LYPD6B: variants seen among roughly 807,000 people sequenced by gnomAD.
LYPD6B encodes the protein ly6/PLAUR domain-containing protein 6B.
A neutral mutation model predicts 22.8 loss-of-function variants in LYPD6B; 17 were observed. That is an observed-to-expected ratio of 0.75 (90% CI 0.51 to 1.12). The LOEUF is 1.12. Among genes scored for constraint, LYPD6B ranks in the 50% most tolerant of loss-of-function variants. The pLI is 0.00. For synonymous variants in LYPD6B, 106 were observed against 91.6 expected (o/e 1.16, Z -0.90); for missense variants, 221 against 258.3 (o/e 0.86, Z 0.99).
At chr2:149,039,872 C>G (rs542551334) in intron 1 of LYPD6B, among the ~76,000 whole-genome samples, 64 of 152,298 alleles carry the variant, frequency 4.2e-4, no homozygotes, top group African/African-American at 1.5e-3. Context: ...CATTACCCAT[C>G]GTATTTGTCA....
At chr2:149,070,933 C>T (rs970061170) in intron 1 of LYPD6B, among the ~76,000 whole-genome samples, 4 of 152,120 alleles carry the variant, frequency 2.6e-5, no homozygotes, top group Admixed American at 6.5e-5. Flanking sequence ...GCATATTCGC[C>T]GTGGGATAGG....
At chr2:149,170,725 TG>T (rs1228279480) in intron 3 of LYPD6B, among the ~76,000 whole-genome samples, 3 of 152,226 alleles carry the variant, frequency 2.0e-5, no homozygotes, top group African/African-American at 7.2e-5. Context: ...GAATGCTGAA[TG>T]TAAGTTTGTG....
At chr2:149,039,847 T>G (rs1195689272) in intron 1 of LYPD6B, among the ~76,000 whole-genome samples, 1 of 152,220 alleles carries the variant, frequency 6.6e-6, no homozygotes, top group Non-Finnish European at 1.5e-5. Context: ...GGGGGTGTTG[T>G]CAGACTGCCC....
intron 3 of LYPD6B, chr2:149,187,421 T>C: frequency 6.6e-7 from 1 of 1,526,694 alleles, no homozygotes; most frequent in South Asian, 1.2e-5. Context: ...ATTATTATTT[T>C]CTAGATGTGA....
chr2:149,098,627 CA>C (rs1285429577), intron 1 of LYPD6B, among the ~76,000 whole-genome samples: 219 of 83,464 alleles, frequency 2.6e-3, no homozygotes, highest in South Asian at 0.012. Context: ...AACTCTGTCT[CA>C]AAAAAAAAAA....
chr2:149,213,360 A>C (rs1474849330), intron 6 of LYPD6B, among the ~76,000 whole-genome samples: 4 of 152,206 alleles, frequency 2.6e-5, no homozygotes, highest in African/African-American at 7.2e-5. Context: ...GACTCCATAC[A>C]AAGATAAAAT....
chr2:149,109,615 G>A lies in LYPD6B; in HGVS notation c.-66-21268G>A, dbSNP rs541127246. Among the ~76,000 whole-genome samples, 22 of 152,050 alleles carry A rather than the reference G, an allele frequency of 1.4e-4. 1 individual carries two copies. Among genetic ancestry groups the A allele is most frequent in the African/African-American group, 4.8e-4 (20 of 41,484 alleles). On this transcript the variant is annotated intron_variant, in intron 1 of 6. Transcript: ENST00000409642. ...TCTTCAAATATTTTTTCTGTTCCCC[G>A]TTCTCAGTTCTTAAGATAATTCCAA...
At chr2:149,086,254 G>C (rs1158916589) in intron 1 of LYPD6B, among the ~76,000 whole-genome samples, 4 of 152,120 alleles carry the variant, frequency 2.6e-5, no homozygotes, top group Admixed American at 2.6e-4. Flanking sequence ...ATCAAAGGAG[G>C]CTACATCTAG....
intron 4 of LYPD6B, 111 bp downstream of exon 4, chr2:149,205,515 TC>T: frequency 5.9e-6 from 7 of 1,191,356 alleles, no homozygotes; most frequent in Non-Finnish European, 8.2e-6. Flanking sequence ...ATTTGTTTTA[TC>T]CCTAGAATAA....
intron 1 of LYPD6B, among the ~76,000 whole-genome samples, chr2:149,053,542 T>C (rs1359990006): frequency 2.0e-5 from 3 of 152,230 alleles, no homozygotes; most frequent in African/African-American, 7.2e-5. Flanking sequence ...TTTTCATCAA[T>C]AGTATATGAA....
rs577706619 is a variant in LYPD6B at position 149,066,302 on chromosome 2, A to G, written c.-67+27501A>G. 2.0e-5 allele frequency among the ~76,000 whole-genome samples: 3 copies of G among 151,940 alleles called. No individual in the cohort carries two copies. The South Asian group carries it at 6.2e-4, about 32-fold the overall frequency. On this transcript the variant is annotated intron_variant, in intron 1 of 6. Transcript: ENST00000409642. ...TTAACTTGTCATTTACATTAGATAT[A>G]TCTCCTAATGCTATCCCTCCCCCGT...
At chr2:149,067,401 A>G (rs1471134970) in intron 1 of LYPD6B, among the ~76,000 whole-genome samples, 4 of 152,154 alleles carry the variant, frequency 2.6e-5, no homozygotes, top group African/African-American at 9.6e-5. Context: ...TCCATTATAA[A>G]TTAATTTTCC....
intron 1 of LYPD6B, among the ~76,000 whole-genome samples, chr2:149,112,186 T>G (rs1559004159): frequency 6.6e-6 from 1 of 152,220 alleles, no homozygotes; most frequent in Non-Finnish European, 1.5e-5. Flanking sequence ...GATGCATGTC[T>G]GACAGACTTA....
intron 1 of LYPD6B, among the ~76,000 whole-genome samples, chr2:149,082,511 C>G (rs1335629917): frequency 1.3e-5 from 2 of 152,268 alleles, no homozygotes; most frequent in Admixed American, 6.5e-5. Context: ...AGTACCAATT[C>G]CTGCTTTTTC....
intron 2 of LYPD6B, among the ~76,000 whole-genome samples, chr2:149,133,299 T>C (rs1575032962): frequency 1.3e-5 from 2 of 152,198 alleles, no homozygotes; most frequent in Non-Finnish European, 2.9e-5. Context: ...TTTAATGAGA[T>C]ACTAAGACCC....
chr2:149,107,045 A>G (rs1049120795), intron 1 of LYPD6B, among the ~76,000 whole-genome samples: 1 of 152,196 alleles, frequency 6.6e-6, no homozygotes, highest in Non-Finnish European at 1.5e-5. Context: ...TTTAAGTTAT[A>G]ATTAGGCACA....
At chr2:149,057,082 T>C (rs1683837112) in intron 1 of LYPD6B, among the ~76,000 whole-genome samples, 1 of 152,210 alleles carries the variant, frequency 6.6e-6, no homozygotes, top group African/African-American at 2.4e-5. Context: ...AGCAATTACA[T>C]AGGTCATACC....
At chr2:149,213,462 GAGGA>G (rs1359986015) in intron 6 of LYPD6B, among the ~76,000 whole-genome samples, 2 of 152,344 alleles carry the variant, frequency 1.3e-5, no homozygotes, top group East Asian at 3.9e-4. Context: ...CTGCTTAGAT[GAGGA>G]AGGGAGTCTG....
intron 5 of LYPD6B, 122 bp downstream of exon 5, chr2:149,208,534 A>G: frequency 1.4e-6 from 1 of 734,020 alleles, no homozygotes; most frequent in Non-Finnish European, 2.2e-6. Context: ...ATCAGACTAT[A>G]TTGAGAGTTC....
Sources: gnomAD v4.1 joint callset for allele counts (sites outside exome capture counted in the v4.1 genomes callset) on GRCh38, gnomAD v4.1.1 for gene constraint, MANE v1.5 for transcripts, NCBI Gene and HGNC (gene_info 2026-07-23, HGNC 2026-07-21) for gene names.